The following SHISAL2B variants were observed in gnomAD, a reference collection of about 807,000 sequenced individuals.
SHISAL2B encodes the protein protein shisa-like-2B.
A neutral mutation model predicts 16.5 loss-of-function variants in SHISAL2B; 12 were observed. That is an observed-to-expected ratio of 0.73 (90% CI 0.47 to 1.18). The LOEUF (loss-of-function observed/expected upper bound fraction) is 1.18. SHISAL2B is among the 50% of genes most tolerant of loss of function. SHISAL2B has a pLI of 0.00. For missense variants in SHISAL2B, 183 were observed against 193.6 expected (o/e 0.95, Z 0.33); for synonymous variants, 72 against 75.0 (o/e 0.96, Z 0.21).
chr5:64,717,287 T>A (rs1454601881), intron 2 of SHISAL2B, among the ~76,000 whole-genome samples: 1 of 152,174 alleles, frequency 6.6e-6, no homozygotes, highest in Non-Finnish European at 1.5e-5. Context: ...ATTGGTGAAA[T>A]GATACATTAA....
intron 2 of SHISAL2B, among the ~76,000 whole-genome samples, chr5:64,702,348 G>C (rs1028611326): frequency 6.6e-6 from 1 of 152,002 alleles, no homozygotes; most frequent in Admixed American, 6.6e-5. Flanking sequence ...TTACAGGCAT[G>C]AGCCACCACG....
intron 2 of SHISAL2B, among the ~76,000 whole-genome samples, chr5:64,706,400 T>G (rs886845014): frequency 1.4e-4 from 22 of 152,218 alleles, no homozygotes; most frequent in Admixed American, 1.4e-3. Context: ...GACTTTGAAA[T>G]AGAATGGGAG....
intron 1 of SHISAL2B, among the ~76,000 whole-genome samples, chr5:64,692,511 T>C (rs1364611062): frequency 1.3e-5 from 2 of 152,194 alleles, no homozygotes; most frequent in Non-Finnish European, 2.9e-5. Context: ...GAGAACACAA[T>C]AGGGAGGTAA....
intron 2 of SHISAL2B, among the ~76,000 whole-genome samples, chr5:64,700,879 T>A (rs1741799963): frequency 6.6e-6 from 1 of 152,194 alleles, no homozygotes; most frequent in South Asian, 2.1e-4. Context: ...ACAACCTAGA[T>A]CCCTCACATG....
At chr5:64,697,019 A>T (rs1190557520) in intron 2 of SHISAL2B, among the ~76,000 whole-genome samples, 1 of 152,194 alleles carries the variant, frequency 6.6e-6, no homozygotes, top group African/African-American at 2.4e-5. Flanking sequence ...TCAGGTGGGC[A>T]TCACCATCCT....
intron 2 of SHISAL2B, among the ~76,000 whole-genome samples, chr5:64,714,634 C>A (rs1037009436): frequency 6.6e-6 from 1 of 152,154 alleles, no homozygotes; most frequent in East Asian, 1.9e-4. Context: ...CGCCCCTCCC[C>A]CAGCCTGGCT....
chr5:64,712,175 T>C, intron 2 of SHISAL2B, among the ~76,000 whole-genome samples: 1 of 144,832 alleles, frequency 6.9e-6, no homozygotes, highest in African/African-American at 2.5e-5. Context: ...TGTGGGCATT[T>C]AGTGCTATAA....
intron 2 of SHISAL2B, among the ~76,000 whole-genome samples, chr5:64,704,765 TA>T (rs375806506): frequency 7.4e-5 from 11 of 149,492 alleles, no homozygotes; most frequent in African/African-American, 2.2e-4. Context: ...TTCTATTTAT[TA>T]AAAAAAAAAC....
At chr5:64,704,664 TAC>T (rs1175529114) in intron 2 of SHISAL2B, among the ~76,000 whole-genome samples, 1 of 152,162 alleles carries the variant, frequency 6.6e-6, no homozygotes, top group African/African-American at 2.4e-5. Context: ...GCAATGATAT[TAC>T]AGATTTATTT....
intron 2 of SHISAL2B, among the ~76,000 whole-genome samples, chr5:64,715,686 G>A (rs971687605): frequency 1.3e-5 from 2 of 152,216 alleles, no homozygotes; most frequent in African/African-American, 4.8e-5. Context: ...AGTGTTATGT[G>A]TAAGTGCTAT....
chr5:64,698,358 T>C (rs1741766651), intron 2 of SHISAL2B, among the ~76,000 whole-genome samples: 1 of 152,190 alleles, frequency 6.6e-6, no homozygotes, highest in Non-Finnish European at 1.5e-5. Context: ...TCTCTTTCAA[T>C]AGAGAAAACA....
intron 2 of SHISAL2B, among the ~76,000 whole-genome samples, chr5:64,710,436 G>A (rs1741942279): frequency 1.7e-5 from 1 of 58,188 alleles, no homozygotes. Flanking sequence ...TTTGGTTACT[G>A]TAGCCTTGTA....
intron 2 of SHISAL2B, among the ~76,000 whole-genome samples, chr5:64,714,308 G>A (rs1397201513): frequency 7.0e-6 from 1 of 142,636 alleles, no homozygotes; most frequent in Non-Finnish European, 1.5e-5. Context: ...AGTGTGAGGT[G>A]TCAGTGTGCC....
intron 2 of SHISAL2B, among the ~76,000 whole-genome samples, chr5:64,699,632 G>T (rs1741781677): frequency 6.6e-6 from 1 of 152,108 alleles, no homozygotes; most frequent in Non-Finnish European, 1.5e-5. Context: ...CTTTCTCATG[G>T]GTCAGCCTCT....
Position 64,718,025 on chromosome 5 carries a change from A to G in SHISAL2B, c.*3A>G. 1 of 1,495,734 alleles carries G rather than the reference A, an allele frequency of 6.7e-7. No individual in the cohort carries two copies. The highest frequency in any genetic ancestry group is 8.8e-7 in the Non-Finnish European group (1 of 1,136,256). The allele number at this position is 1,495,734 out of a possible 1,614,324, so 92.7% of individuals were successfully genotyped here. On this transcript the variant is annotated 3_prime_UTR_variant, in exon 3 of 3. Transcript: ENST00000389074. ...CACAAATCCACATTGCTTATTAACT[A>G]AAAATTCTGTGTTTTAAATGCTTAC...
At position 64,698,758 on chromosome 5, in the gene SHISAL2B, T is replaced by C. The variant is rs550925427; in HGVS notation, c.349+3094T>C. Among the ~76,000 whole-genome samples the C allele has an allele frequency of 4.6e-5, 7 of 152,336 alleles. No individual in the cohort carries two copies. In the East Asian group the frequency reaches 1.3e-3, roughly 29 times the overall value. On this transcript the variant is annotated intron_variant, in intron 2 of 2. Transcript: ENST00000389074. ...CTAAGTTCCAGAAAAGTAGGAGTTT[T>C]TGTCTTGTTTGCTCTCTACTGTATC...
intron 2 of SHISAL2B, among the ~76,000 whole-genome samples, chr5:64,699,078 T>C (rs927964612): frequency 1.3e-5 from 2 of 152,248 alleles, no homozygotes; most frequent in African/African-American, 2.4e-5. Context: ...CTTGTCACTA[T>C]TGAGTGAAGG....
chr5:64,717,013 G>A (rs1354954402), intron 2 of SHISAL2B, among the ~76,000 whole-genome samples: 1 of 152,148 alleles, frequency 6.6e-6, no homozygotes. Context: ...TTGCATGTAG[G>A]GTGAGAGAAA....
In SHISAL2B at chr5:64,706,498, C is replaced by T. The variant is rs768123568; in HGVS notation, c.349+10834C>T. On this transcript the variant is annotated intron_variant, in intron 2 of 2. Transcript: ENST00000389074. ...CCAAGATTTATTTATTTTCCTTTCA[C>T]ATTTCCACCCTTTTCTTTTTAAAAT... Among the ~76,000 whole-genome samples the T allele has an allele frequency of 3.3e-5, 5 of 152,324 alleles. 1 individual carries two copies. Among genetic ancestry groups the T allele is most frequent in the Admixed American group, 3.3e-4 (5 of 15,302 alleles).
Sources: gnomAD v4.1 joint callset for allele counts (sites outside exome capture counted in the v4.1 genomes callset) on GRCh38, gnomAD v4.1.1 for gene constraint, MANE v1.5 for transcripts, NCBI Gene and HGNC (gene_info 2026-07-23, HGNC 2026-07-21) for gene names.